SLC43A2: variants seen among roughly 807,000 people sequenced by gnomAD.
The protein encoded by SLC43A2 is solute carrier family 43 member 2, also known as large neutral amino acids transporter small subunit 4.
In SLC43A2, 38 loss-of-function variants were observed where a neutral mutation model predicts 63.2. That is an observed-to-expected ratio of 0.60 (90% CI 0.46 to 0.79). The LOEUF is 0.79. SLC43A2 is among the 30% of genes least tolerant of loss of function. The pLI is 0.00. For synonymous variants in SLC43A2, 322 were observed against 331.0 expected (o/e 0.97, Z 0.30); for missense variants, 644 against 756.2 (o/e 0.85, Z 1.74).
rs955704688 is a variant in SLC43A2, at chr17:1,583,556, G to A, written c.1218-220C>T. ...AGTGTGACTCTCGGAGGGGGTCTCG[G>A]GTACAAGAAGATGGCCATCCATATG... On this transcript the variant is annotated intron_variant, in intron 10 of 13. Transcript: ENST00000301335. This position sits in a 1 kb window ranked among gnomAD's most constrained non-coding sequence, Gnocchi z 5.5. 4.5e-6 allele frequency: 3 copies of A among 665,900 alleles called. No homozygotes were observed. Among genetic ancestry groups the A allele is most frequent in the Non-Finnish European group, 2.4e-6 (1 of 412,622 alleles). The allele number at this position is 665,900 out of a possible 1,614,324, so 41.2% of individuals were successfully genotyped here. A position where few individuals can be genotyped will look rare whatever the true frequency, so the allele number is the denominator to read the frequency against.
intron 9 of SLC43A2, among the ~76,000 whole-genome samples, chr17:1,586,255 G>A (rs928733131): frequency 5.3e-5 from 8 of 152,190 alleles, no homozygotes; most frequent in African/African-American, 7.2e-5. Context: ...CCTTCTTCTC[G>A]GTTCCAAATC....
Position 1,583,024 on chromosome 17 carries a change from A to G in SLC43A2, c.1350+180T>C, listed in dbSNP as rs1309815997. ...AACCCAGGAGGCTGAGGTTGCAGTG[A>G]GCCGAGATCACACCACTGCACTCCA... is the stretch of plus-strand genomic sequence containing the variant. On this transcript the variant is annotated intron_variant, in intron 11 of 13. Coordinates refer to ENST00000301335, the MANE Select transcript of SLC43A2 (RefSeq NM_152346.3). The surrounding 1 kb of genome is among the most constrained non-coding windows in gnomAD (Gnocchi z 5.5). 2.0e-5 allele frequency among the ~76,000 whole-genome samples: 3 copies of G among 151,958 alleles called. No homozygotes were observed. Among genetic ancestry groups the G allele is most frequent in the African/African-American group, 7.3e-5 (3 of 41,352 alleles).
At chr17:1,624,933 C>T (rs1488852759) in intron 2 of SLC43A2, among the ~76,000 whole-genome samples, 1 of 152,128 alleles carries the variant, frequency 6.6e-6, no homozygotes, top group East Asian at 1.9e-4. Context: ...CCGCAGCCCC[C>T]CAGGCTGACC....
At position 1,577,888 on chromosome 17, in the gene SLC43A2, C is replaced by G. The variant is rs1302915155; in HGVS notation, c.1424+362G>C. On this transcript the variant is annotated intron_variant, in intron 12 of 13. Coordinates refer to ENST00000301335, the MANE Select transcript of SLC43A2 (RefSeq NM_152346.3). This position sits in a 1 kb window ranked among gnomAD's most constrained non-coding sequence, Gnocchi z 4.9. The stretch of plus-strand genomic sequence containing the variant: ...TGGAACTTCCGCATTTAGCTTCAGG[C>G]AGCCAGAACCTACCCATCCTTCCCA... Among the ~76,000 whole-genome samples, 3 of 152,188 alleles carry G rather than the reference C, an allele frequency of 2.0e-5. No individual in the cohort carries two copies. The highest frequency in any genetic ancestry group is 7.2e-5 in the African/African-American group (3 of 41,450).
chr17:1,583,298 T>A lies in SLC43A2; in HGVS notation c.1256A>T (p.Gln419Leu). The A allele has an allele frequency of 6.2e-7, 1 of 1,614,190 alleles. No individual in the cohort carries two copies. The highest frequency in any genetic ancestry group is 8.5e-7 in the Non-Finnish European group (1 of 1,180,028). The part of the protein sequence containing the change: ...KKKKKRDRQI[Q>L]KITNAMRAFA... The stretch of plus-strand genomic sequence containing the variant: ...GGCCCGCATGGCATTAGTGATCTTC[T>A]GGATCTGCCGGTCCCGCTTCTTCTT... The change falls in exon 11 of 14, where the codon CAG becomes CTG. Residue 419 changes from glutamine (Q) to leucine (L), a missense_variant. By Grantham distance (113) the Gln-to-Leu change is moderately radical (BLOSUM62 -2). This residue lies in a region of SLC43A2 where 528 missense variants were observed against 623.6 expected (regional missense o/e 0.85). Coordinates refer to ENST00000301335, the MANE Select transcript of SLC43A2 (RefSeq NM_152346.3). The surrounding 1 kb of genome is among the most constrained non-coding windows in gnomAD (Gnocchi z 5.5).
In SLC43A2 at chr17:1,618,518, G is replaced by A. The variant is rs148907595; in HGVS notation, c.161-1749C>T. Among the ~76,000 whole-genome samples the A allele has an allele frequency of 3.1e-3, 479 of 152,328 alleles. 2 individuals carry two copies. Among genetic ancestry groups the A allele is most frequent in the African/African-American group, 0.011 (444 of 41,562 alleles). On this transcript the variant is annotated intron_variant, in intron 2 of 13. Coordinates refer to ENST00000301335, the MANE Select transcript of SLC43A2 (RefSeq NM_152346.3). ...CGGCACCATCAGCTGGCACAGAGCC[G>A]GATGCAGTGGCTGTGGGGAGCACAG...
intron 5 of SLC43A2, among the ~76,000 whole-genome samples, chr17:1,594,833 C>A (rs983576998): frequency 6.6e-6 from 1 of 151,692 alleles, no homozygotes. Context: ...CGTGATCCGC[C>A]CGCCTTGGCC....
Position 1,574,785 on chromosome 17 carries a change from TC to T in SLC43A2, c.*818del, listed in dbSNP as rs2075895380. Reference sequence around the variant, plus strand: ...CACACACACCTCGGACCCACCCACGTCCCCACCCCGGCCTGGACCTCCACGT... The same window carrying T: ...CACACACACCTCGGACCCACCCACGTCCCACCCCGGCCTGGACCTCCACGT... On this transcript the variant is annotated 3_prime_UTR_variant, in exon 14 of 14. Coordinates refer to ENST00000301335, the MANE Select transcript of SLC43A2 (RefSeq NM_152346.3). The T allele has an allele frequency of 6.6e-6, 1 of 151,576 alleles. No individual in the cohort carries two copies. Among genetic ancestry groups the T allele is most frequent in the African/African-American group, 2.4e-5 (1 of 41,212 alleles). The allele number at this position is 151,576 out of a possible 1,614,324, so 9.4% of individuals were successfully genotyped here.
intron 5 of SLC43A2, among the ~76,000 whole-genome samples, chr17:1,602,271 TGCAATGATTACAG>T (rs1272777699): frequency 6.6e-6 from 1 of 152,140 alleles, no homozygotes; most frequent in East Asian, 1.9e-4. Flanking sequence ...CTTCCCAAAC[TGCAATGATTACAG>T]GCATGAGCCA....
chr17:1,587,629 A>G (rs1904336586), intron 9 of SLC43A2, among the ~76,000 whole-genome samples: 1 of 152,194 alleles, frequency 6.6e-6, no homozygotes, highest in African/African-American at 2.4e-5. Flanking sequence ...CTTAAGACCC[A>G]TATGTGAGTG....
intron 5 of SLC43A2, among the ~76,000 whole-genome samples, chr17:1,612,335 G>A (rs1042922866): frequency 1.3e-5 from 2 of 152,150 alleles, no homozygotes; most frequent in Admixed American, 6.5e-5. Flanking sequence ...AGCATATTTT[G>A]TGATGTCCTG....
chr17:1,576,380 G>A (rs889141223), intron 13 of SLC43A2, among the ~76,000 whole-genome samples: 6 of 152,034 alleles, frequency 3.9e-5, no homozygotes, highest in East Asian at 3.9e-4. Context: ...CACCGCGCCC[G>A]GCCCAGGAAC....
rs574116858 is a variant in SLC43A2, at chr17:1,601,184, G to A, written c.502-7905C>T. Among the ~76,000 whole-genome samples the A allele has an allele frequency of 9.9e-5, 15 of 152,056 alleles. No homozygotes were observed. The South Asian group carries it at 1.5e-3, about 15-fold the overall frequency. ...GAAGTTTGCAGATTTTTAATTCTTC[G>A]TAGGTCTGAGCTGGCACTAGACTGC... On this transcript the variant is annotated intron_variant, in intron 5 of 13. Transcript: ENST00000301335.
At chr17:1,626,598 G>A (rs930169513) in intron 2 of SLC43A2, among the ~76,000 whole-genome samples, 1 of 152,072 alleles carries the variant, frequency 6.6e-6, no homozygotes, top group Non-Finnish European at 1.5e-5. Flanking sequence ...AGGAATCTCC[G>A]GGGCAGATCA....
At chr17:1,623,849 T>C (rs111824161) in intron 2 of SLC43A2, among the ~76,000 whole-genome samples, 7 of 147,476 alleles carry the variant, frequency 4.7e-5, no homozygotes, top group Non-Finnish European at 1.1e-4. Context: ...TGTACCCTCC[T>C]CTCCTCCAGG....
In SLC43A2 at chr17:1,616,325, C is replaced by T. The variant is rs972808328; in HGVS notation, c.368+237G>A. 2.2e-5 allele frequency: 12 copies of T among 553,162 alleles called. No homozygotes were observed. In the African/African-American group the frequency reaches 2.3e-4, roughly 10 times the overall value. 34.3% of individuals were successfully genotyped at this position (553,162 alleles called of 1,614,324 possible). The stretch of plus-strand genomic sequence containing the variant: ...AACACATGTTCTTAGTGACAAGCAG[C>T]TCCGGTCCCTGGGCGGCCTGGAGCC... On this transcript the variant is annotated intron_variant, in intron 3 of 13. Coordinates refer to ENST00000301335, the MANE Select transcript of SLC43A2 (RefSeq NM_152346.3).
At chr17:1,614,814 G>A (rs187406640) in intron 4 of SLC43A2, among the ~76,000 whole-genome samples, 165 bp downstream of exon 4, 21 of 152,140 alleles carry the variant, frequency 1.4e-4, no homozygotes, top group African/African-American at 3.9e-4. Context: ...TGATCTCGCC[G>A]TCTATTTGAG....
intron 5 of SLC43A2, among the ~76,000 whole-genome samples, chr17:1,600,235 C>T (rs1363820218): frequency 2.9e-5 from 4 of 139,302 alleles, no homozygotes; most frequent in Admixed American, 7.7e-5. Context: ...ACTGCAACCT[C>T]CACCTCCCGG....
chr17:1,623,946 G>T (rs953811326), intron 2 of SLC43A2, among the ~76,000 whole-genome samples: 1 of 152,124 alleles, frequency 6.6e-6, no homozygotes, highest in Admixed American at 6.6e-5. Flanking sequence ...CCGCAGAGAG[G>T]CCCTCCCACC....
Sources: gnomAD v4.1 joint callset for allele counts (sites outside exome capture counted in the v4.1 genomes callset) on GRCh38, gnomAD v4.1.1 for gene constraint, gnomAD v4.1.1 regional missense constraint, Gnocchi (gnomAD v3.1) non-coding constraint, MANE v1.5 for transcripts, NCBI Gene and HGNC (gene_info 2026-07-23, HGNC 2026-07-21) for gene names.